Variants in EXOC4 observed in about 807,000 individuals in gnomAD.
EXOC4 encodes SEC8-like 1.
A neutral mutation model predicts 107.2 loss-of-function variants in EXOC4; 71 were observed. The observed-to-expected ratio is 0.66, with a 90% CI of 0.55 to 0.81. The LOEUF is 0.81. Ranked by LOEUF, EXOC4 falls within the 30% of genes least tolerant of loss-of-function variation. The pLI is 0.00. For synonymous variants in EXOC4, 456 were observed against 441.2 expected (o/e 1.03, Z -0.42); for missense variants, 1,108 against 1,189.6 (o/e 0.93, Z 1.01).
chr7:134,081,871 G>A, the EXOC4 span, among the ~76,000 whole-genome samples: 8 of 152,248 alleles, frequency 5.3e-5, no homozygotes, highest in Non-Finnish European at 7.4e-5. Flanking sequence ...ATGTAGAGGC[G>A]ACAGGACTTT....
chr7:133,291,089 G>T (rs1794394480), intron 3 of EXOC4: 1 of 152,044 alleles, frequency 6.6e-6, no homozygotes, highest in African/African-American at 2.4e-5. Flanking sequence ...GAGCCAGGTT[G>T]GGTATGATAA....
intron 9 of EXOC4, among the ~76,000 whole-genome samples, chr7:133,587,085 C>T (rs1472199960): frequency 2.0e-5 from 3 of 152,090 alleles, no homozygotes; most frequent in Non-Finnish European, 2.9e-5. Flanking sequence ...CCACCTGCCT[C>T]GGCCTCCAGA....
At chr7:133,255,704 G>T (rs1795000760) in intron 1 of EXOC4, among the ~76,000 whole-genome samples, 3 of 152,142 alleles carry the variant, frequency 2.0e-5, no homozygotes, top group Admixed American at 2.0e-4. Context: ...TGAGGATGTT[G>T]GTAGCTATAA....
intron 17 of EXOC4, among the ~76,000 whole-genome samples, chr7:134,027,719 A>G (rs1389119812): frequency 2.6e-5 from 4 of 151,050 alleles, no homozygotes; most frequent in Non-Finnish European, 5.9e-5. Flanking sequence ...TTAGTGAAGG[A>G]GAAAGAAGCA....
chr7:133,735,296 A>G (rs1192212798), intron 10 of EXOC4, among the ~76,000 whole-genome samples: 1 of 149,172 alleles, frequency 6.7e-6, no homozygotes, highest in Non-Finnish European at 1.5e-5. Context: ...GACTTAATGT[A>G]CATGTTGAAA....
intron 10 of EXOC4, among the ~76,000 whole-genome samples, chr7:133,655,461 A>G (rs1803267909): frequency 6.6e-6 from 1 of 152,184 alleles, no homozygotes; most frequent in South Asian, 2.1e-4. Flanking sequence ...TTCTTTCATA[A>G]TGACATTTAG....
intron 13 of EXOC4, among the ~76,000 whole-genome samples, chr7:133,921,500 A>G (rs1483269170): frequency 6.6e-6 from 1 of 152,168 alleles, no homozygotes; most frequent in African/African-American, 2.4e-5. Flanking sequence ...TAACAACTAA[A>G]TATTTTACTC....
chr7:133,417,720 C>T (rs1337234235), intron 7 of EXOC4, among the ~76,000 whole-genome samples: 1 of 152,050 alleles, frequency 6.6e-6, no homozygotes, highest in African/African-American at 2.4e-5. Context: ...GATCCTTGAC[C>T]AGTCTACCTC....
At chr7:133,441,883 T>C (rs1312668447) in intron 7 of EXOC4, among the ~76,000 whole-genome samples, 2 of 152,198 alleles carry the variant, frequency 1.3e-5, no homozygotes, top group Non-Finnish European at 2.9e-5. Flanking sequence ...CATACCTATG[T>C]AAATACAACA....
chr7:133,400,798 G>A (rs996930007), intron 7 of EXOC4, among the ~76,000 whole-genome samples: 8 of 152,138 alleles, frequency 5.3e-5, no homozygotes, highest in Non-Finnish European at 1.2e-4. Flanking sequence ...GTTAATAAAC[G>A]AGGTAATGAG....
intron 1 of EXOC4, among the ~76,000 whole-genome samples, chr7:133,273,484 G>C (rs889977316): frequency 3.3e-5 from 5 of 152,196 alleles, no homozygotes; most frequent in Non-Finnish European, 7.3e-5. Context: ...ATCCCACGCT[G>C]TCCTGAGTGG....
At chr7:133,432,368 A>G (rs1797875148) in intron 7 of EXOC4, among the ~76,000 whole-genome samples, 1 of 152,184 alleles carries the variant, frequency 6.6e-6, no homozygotes, top group Non-Finnish European at 1.5e-5. Context: ...CTACCTTACA[A>G]CACAGCTTTG....
In EXOC4 at chr7:133,461,626, T is replaced by C. The variant is rs188465027; in HGVS notation, c.1183-13702T>C. Among the ~76,000 whole-genome samples, 7 of 152,272 alleles carry C rather than the reference T, an allele frequency of 4.6e-5. No homozygotes were observed. The East Asian group carries it at 1.3e-3, about 29-fold the overall frequency. On this transcript the variant is annotated intron_variant, in intron 7 of 17. Transcript: ENST00000253861. ...AGATGCATTAACTCTTTCAGGTCGT[T>C]AGGGTGGCACTTATCTCATTGGAGC...
chr7:133,783,179 A>G (rs1796502689), intron 10 of EXOC4, among the ~76,000 whole-genome samples: 1 of 152,232 alleles, frequency 6.6e-6, no homozygotes, highest in Non-Finnish European at 1.5e-5. Context: ...TACTGTGAAT[A>G]TAAGCCTTTG....
chr7:133,393,483 G>T (rs889024736), intron 7 of EXOC4, among the ~76,000 whole-genome samples: 1 of 152,104 alleles, frequency 6.6e-6, no homozygotes, highest in Non-Finnish European at 1.5e-5. Flanking sequence ...TTTAAGATTT[G>T]CTATAGACTG....
chr7:133,425,151 A>G lies in EXOC4; in HGVS notation c.1182+50149A>G, dbSNP rs1445216414. Among the ~76,000 whole-genome samples the G allele has an allele frequency of 2.6e-5, 4 of 152,176 alleles. No individual in the cohort carries two copies. The East Asian group carries it at 7.7e-4, about 29-fold the overall frequency. ...AGCAGCCATGGAAGCTTCAGGGGAT[A>G]GGGAGATGTTGGTAGGGAGTTGCTT... On this transcript the variant is annotated intron_variant, in intron 7 of 17. Coordinates refer to ENST00000253861, the MANE Select transcript of EXOC4 (RefSeq NM_021807.4).
At chr7:133,292,675 T>A (rs1209750902) in intron 3 of EXOC4, among the ~76,000 whole-genome samples, 1 of 152,176 alleles carries the variant, frequency 6.6e-6, no homozygotes, top group Non-Finnish European at 1.5e-5. Context: ...GATAGCTAGG[T>A]GCTTTTCTTT....
intron 10 of EXOC4, among the ~76,000 whole-genome samples, chr7:133,630,679 A>G (rs930942864): frequency 6.6e-6 from 1 of 152,148 alleles, no homozygotes; most frequent in Admixed American, 6.5e-5. Context: ...ATTTACACCA[A>G]TGTCTGAGAT....
chr7:133,865,595 A>C (rs1798620346), intron 11 of EXOC4, among the ~76,000 whole-genome samples: 1 of 152,208 alleles, frequency 6.6e-6, no homozygotes, highest in Non-Finnish European at 1.5e-5. Context: ...TTTGTGAAGA[A>C]ATGAGGTTTA....
Sources: allele counts gnomAD v4.1 joint callset (sites outside exome capture counted in the v4.1 genomes callset), GRCh38; gene constraint gnomAD v4.1.1; transcripts MANE v1.5; gene names NCBI Gene and HGNC (gene_info 2026-07-23, HGNC 2026-07-21).